NCKAP1: variants seen among roughly 807,000 people sequenced by gnomAD.
NCKAP1 encodes NCK associated protein 1, also known as nck-associated protein 1.
A neutral mutation model predicts 151.2 loss-of-function variants in NCKAP1; 21 were observed. That is an observed-to-expected ratio of 0.14 (90% CI 0.10 to 0.20). The LOEUF (loss-of-function observed/expected upper bound fraction) is 0.20. Among genes scored for constraint, NCKAP1 ranks in the 10% least tolerant of loss-of-function variants. NCKAP1 has a pLI of 1.00. For synonymous variants in NCKAP1, 484 were observed against 451.8 expected (o/e 1.07, Z -0.90); for missense variants, 933 against 1,352.1 (o/e 0.69, Z 4.86).
At chr2:182,974,350 C>T (rs1347561951) in intron 15 of NCKAP1, among the ~76,000 whole-genome samples, 2 of 150,890 alleles carry the variant, frequency 1.3e-5, no homozygotes, top group South Asian at 2.1e-4. Flanking sequence ...CAATGTTATG[C>T]ATTGAATTGT....
At chr2:183,020,609 T>C (rs1227668137) in intron 2 of NCKAP1, among the ~76,000 whole-genome samples, 1 of 151,666 alleles carries the variant, frequency 6.6e-6, no homozygotes, top group East Asian at 1.9e-4. Flanking sequence ...ATAACCTAGG[T>C]CCCTAAGAAA....
rs77165594 is a variant in NCKAP1 at position 182,997,333 on chromosome 2, T to C, written c.604-1495A>G. Reference sequence around the variant, plus strand: ...TTCTTCTTTTTCTAGTTCTTGTAAGTGCAAGGTTAGGTTATTAATTTGAGC... The same window carrying C: ...TTCTTCTTTTTCTAGTTCTTGTAAGCGCAAGGTTAGGTTATTAATTTGAGC... On this transcript the variant is annotated intron_variant, in intron 6 of 30. Coordinates refer to ENST00000361354, the MANE Select transcript of NCKAP1 (RefSeq NM_013436.5). Among the ~76,000 whole-genome samples the C allele has an allele frequency of 5.1e-4, 78 of 152,314 alleles. 1 individual carries two copies. The East Asian group carries it at 0.011, about 21-fold the overall frequency.
At chr2:182,971,572 CA>C (rs1173335419) in intron 15 of NCKAP1, among the ~76,000 whole-genome samples, 14 of 145,514 alleles carry the variant, frequency 9.6e-5, no homozygotes, top group East Asian at 2.0e-4. Flanking sequence ...CAAACAACAA[CA>C]AAAAAAAAAC....
chr2:183,025,082 T>C (rs1698870183), intron 1 of NCKAP1: 13 of 1,206,870 alleles, frequency 1.1e-5, no homozygotes, highest in South Asian at 7.8e-5. Flanking sequence ...AGAAAACTTA[T>C]GCACTGCAGA....
At chr2:182,996,281 T>C (rs1013814135) in intron 6 of NCKAP1, among the ~76,000 whole-genome samples, 4 of 152,254 alleles carry the variant, frequency 2.6e-5, no homozygotes, top group Admixed American at 2.6e-4. Context: ...AAGAATGTCT[T>C]ATAAAAATAA....
intron 15 of NCKAP1, among the ~76,000 whole-genome samples, chr2:182,970,191 TA>T: frequency 6.6e-6 from 1 of 152,160 alleles, no homozygotes; most frequent in Non-Finnish European, 1.5e-5. Flanking sequence ...TTTAAAGAAC[TA>T]ATACCAATTC....
At chr2:182,944,961 G>A (rs573563313) in intron 23 of NCKAP1, among the ~76,000 whole-genome samples, 3 of 152,100 alleles carry the variant, frequency 2.0e-5, no homozygotes, top group South Asian at 2.1e-4. Context: ...AAGGCTGGGC[G>A]TGGTGGCTCA....
intron 1 of NCKAP1, chr2:183,024,953 A>C: frequency 6.2e-7 from 1 of 1,611,758 alleles, no homozygotes; most frequent in Non-Finnish European, 8.5e-7. Flanking sequence ...AAGCGGGCAG[A>C]GGGAAGGTGA....
chr2:182,941,514 A>T (rs1406533341), intron 24 of NCKAP1, among the ~76,000 whole-genome samples: 3 of 152,238 alleles, frequency 2.0e-5, no homozygotes, highest in Non-Finnish European at 1.5e-5. Context: ...ATAGTGACAG[A>T]AATAAGATCA....
At chr2:182,970,986 A>C (rs969993328) in intron 15 of NCKAP1, among the ~76,000 whole-genome samples, 2 of 152,132 alleles carry the variant, frequency 1.3e-5, no homozygotes, top group African/African-American at 4.8e-5. Context: ...AAGAAATCTC[A>C]TTTACAATAA....
rs1227185047 is a variant in NCKAP1, at chr2:182,915,960, A to C, written c.*9742T>G. On this transcript the variant is annotated 3_prime_UTR_variant, in exon 31 of 31. Transcript: ENST00000361354. ...GCTTTCACCTTTTGTCTATTTATAC[A>C]AGGGGCTCAGATTCTGCATCTTCTC... The C allele has an allele frequency of 6.6e-6, 1 of 152,012 alleles. No individual in the cohort carries two copies. The highest frequency in any genetic ancestry group is 2.4e-5 in the African/African-American group (1 of 41,400). 9.4% of individuals were successfully genotyped at this position (152,012 alleles called of 1,614,324 possible).
At chr2:182,939,695 A>G (rs1429208074) in intron 24 of NCKAP1, among the ~76,000 whole-genome samples, 1 of 152,120 alleles carries the variant, frequency 6.6e-6, no homozygotes, top group Non-Finnish European at 1.5e-5. Flanking sequence ...TGACTTCTGG[A>G]TATGGACATG....
At chr2:182,961,403 T>TAA (rs1439065118) in intron 18 of NCKAP1, among the ~76,000 whole-genome samples, 1 of 152,080 alleles carries the variant, frequency 6.6e-6, no homozygotes, top group Non-Finnish European at 1.5e-5. Flanking sequence ...TATGCGGCCA[T>TAA]AAAAAATGAG....
At chr2:182,998,469 A>G (rs1280374491) in intron 6 of NCKAP1, among the ~76,000 whole-genome samples, 2 of 152,308 alleles carry the variant, frequency 1.3e-5, no homozygotes, top group East Asian at 3.9e-4. Context: ...GTCTCAGGAT[A>G]CAAAAATCAA....
intron 28 of NCKAP1, among the ~76,000 whole-genome samples, 182 bp downstream of exon 28, chr2:182,928,601 T>A (rs1696695926): frequency 6.6e-6 from 1 of 152,070 alleles, no homozygotes; most frequent in Admixed American, 6.6e-5. Flanking sequence ...CTACACACAT[T>A]CAGGCACACA....
chr2:183,027,817 C>G (rs1698927292), intron 1 of NCKAP1, among the ~76,000 whole-genome samples: 1 of 152,126 alleles, frequency 6.6e-6, no homozygotes, highest in Admixed American at 6.5e-5. Flanking sequence ...AAAAAACTTT[C>G]ATTTTGAGGA....
Position 182,962,325 on chromosome 2 carries a change from C to T in NCKAP1, c.1762-47G>A, listed in dbSNP as rs755396624. 6 of 1,496,368 alleles carry T rather than the reference C, an allele frequency of 4.0e-6. No homozygotes were observed. The Admixed American group carries it at 6.0e-5, about 15-fold the overall frequency. The allele number at this position is 1,496,368 out of a possible 1,614,324, so 92.7% of individuals were successfully genotyped here. A position where few individuals can be genotyped will look rare whatever the true frequency, so the allele number is the denominator to read the frequency against. On this transcript the variant is annotated intron_variant, in intron 17 of 30. Coordinates refer to ENST00000361354, the MANE Select transcript of NCKAP1 (RefSeq NM_013436.5). ...AATAATACAAGTTATAAAGAAAGTA[C>T]GTTGAATTAAAAAGACTTCTAAATA...
intron 17 of NCKAP1, among the ~76,000 whole-genome samples, chr2:182,963,358 T>A (rs572811644): frequency 6.6e-6 from 1 of 152,264 alleles, no homozygotes; most frequent in South Asian, 2.1e-4. Context: ...ACTGCTCAAA[T>A]TTGTTCTTTA....
At chr2:183,009,535 A>G (rs1362861302) in intron 2 of NCKAP1, among the ~76,000 whole-genome samples, 1 of 152,046 alleles carries the variant, frequency 6.6e-6, no homozygotes, top group Non-Finnish European at 1.5e-5. Flanking sequence ...AGCCTAGTAA[A>G]ATATGCATTA....
Sources: gnomAD v4.1 joint callset for allele counts (sites outside exome capture counted in the v4.1 genomes callset) on GRCh38, gnomAD v4.1.1 for gene constraint, MANE v1.5 for transcripts, NCBI Gene and HGNC (gene_info 2026-07-23, HGNC 2026-07-21) for gene names.